The following NRG2 variants were observed in gnomAD, a reference collection of about 807,000 sequenced individuals.
NRG2 encodes the protein pro-neuregulin-2, membrane-bound isoform.
Under a neutral mutation model 73.9 loss-of-function variants are expected in NRG2, and 27 were observed. The ratio of observed to expected loss-of-function variants is 0.37; its 90% CI spans 0.27 to 0.50. The LOEUF (loss-of-function observed/expected upper bound fraction) is 0.50. NRG2 is among the 20% of genes least tolerant of loss of function. The pLI is 0.96. For synonymous variants in NRG2, 532 were observed against 541.0 expected (o/e 0.98, Z 0.23); for missense variants, 1,126 against 1,210.1 (o/e 0.93, Z 1.03).
chr5:139,987,572 C>T (rs977631101), intron 1 of NRG2, among the ~76,000 whole-genome samples: 2 of 152,016 alleles, frequency 1.3e-5, no homozygotes, highest in African/African-American at 2.4e-5. Context: ...CTAGACAGAT[C>T]TACCTATCTT....
At position 140,006,713 on chromosome 5, in the gene NRG2, C is replaced by G. The variant is rs188205699; in HGVS notation, c.700+35657G>C. On this transcript the variant is annotated intron_variant, in intron 1 of 9. Coordinates refer to ENST00000361474, the MANE Select transcript of NRG2 (RefSeq NM_004883.3). ...AAGAGAGACATGCCAGGAAAAGATG[C>G]AAGAAGAAAATACACCTTAAAACTT... 2.7e-3 allele frequency among the ~76,000 whole-genome samples: 411 copies of G among 152,170 alleles called. 2 individuals carry two copies. Among genetic ancestry groups the G allele is most frequent in the Non-Finnish European group, 4.5e-3 (304 of 67,996 alleles).
intron 1 of NRG2, among the ~76,000 whole-genome samples, chr5:139,985,969 G>A (rs570215677): frequency 2.6e-5 from 4 of 152,236 alleles, no homozygotes; most frequent in African/African-American, 9.6e-5. Context: ...TGGCATGTGG[G>A]GCTCCCAGGG....
intron 1 of NRG2, among the ~76,000 whole-genome samples, chr5:140,037,765 G>A (rs559458758): frequency 8.7e-4 from 132 of 152,098 alleles, no homozygotes; most frequent in African/African-American, 2.9e-3. Flanking sequence ...AAAATTAATC[G>A]GGCGCGGTGG....
At chr5:139,925,780 C>G (rs774331051) in intron 1 of NRG2, among the ~76,000 whole-genome samples, 2 of 152,190 alleles carry the variant, frequency 1.3e-5, no homozygotes, top group East Asian at 1.9e-4. Flanking sequence ...GTAGAGGACC[C>G]CTGCAGGGAT....
At chr5:139,895,573 C>A (rs1166440011) in intron 1 of NRG2, among the ~76,000 whole-genome samples, 1 of 152,200 alleles carries the variant, frequency 6.6e-6, no homozygotes, top group Non-Finnish European at 1.5e-5. Flanking sequence ...CAGCTGAAGA[C>A]ACAGCAATCC....
intron 2 of NRG2, among the ~76,000 whole-genome samples, chr5:139,882,759 C>T (rs1381688494): frequency 6.6e-6 from 1 of 152,062 alleles, no homozygotes; most frequent in Non-Finnish European, 1.5e-5. Flanking sequence ...CCTTGTCACC[C>T]CCCTGGAATT....
At chr5:139,886,237 G>T (rs1763863267) in intron 2 of NRG2, among the ~76,000 whole-genome samples, 1 of 152,182 alleles carries the variant, frequency 6.6e-6, no homozygotes, top group Non-Finnish European at 1.5e-5. Context: ...GAGAATCAGA[G>T]AACTGGAAGT....
chr5:139,949,515 C>T (rs892857022), intron 1 of NRG2, among the ~76,000 whole-genome samples: 2 of 152,110 alleles, frequency 1.3e-5, no homozygotes, highest in African/African-American at 4.8e-5. Flanking sequence ...GTCACTAGAA[C>T]ACCCACTACC....
intron 1 of NRG2, among the ~76,000 whole-genome samples, chr5:139,938,084 AAAT>A (rs1354415517): frequency 1.3e-5 from 2 of 152,182 alleles, no homozygotes; most frequent in Non-Finnish European, 2.9e-5. Context: ...GTCTACGAAA[AAAT>A]AATAATAACA....
intron 1 of NRG2, among the ~76,000 whole-genome samples, chr5:139,961,325 C>G (rs888188236): frequency 6.6e-6 from 1 of 152,080 alleles, no homozygotes; most frequent in Non-Finnish European, 1.5e-5. Context: ...ACTGTCCTGT[C>G]TCTCTGAGAA....
intron 1 of NRG2, among the ~76,000 whole-genome samples, chr5:139,990,420 C>G (rs1257493198): frequency 6.6e-6 from 1 of 152,082 alleles, no homozygotes; most frequent in Non-Finnish European, 1.5e-5. Flanking sequence ...ATTCTCCCAC[C>G]TCAGCCTCCC....
intron 1 of NRG2, among the ~76,000 whole-genome samples, chr5:139,911,511 T>C (rs1256943071): frequency 6.6e-6 from 1 of 152,214 alleles, no homozygotes; most frequent in Non-Finnish European, 1.5e-5. Flanking sequence ...CCCATGGTTG[T>C]TGTTTGCAAG....
In NRG2 at chr5:139,847,857, G is replaced by C. The variant is rs952731582; in HGVS notation, c.*60C>G. ...TTTTCCTCCTTTCTCTCCAGTAGGC[G>C]GTCTCTGGTCTCCTTAAAGATAGTG... On this transcript the variant is annotated 3_prime_UTR_variant, in exon 10 of 10. Transcript: ENST00000361474. 11 of 990,882 alleles carry C rather than the reference G, an allele frequency of 1.1e-5. No individual in the cohort carries two copies. The African/African-American group carries it at 1.7e-4, about 15-fold the overall frequency. 61.4% of individuals were successfully genotyped at this position (990,882 alleles called of 1,614,324 possible).
chr5:139,850,366 C>A (rs1260740218), intron 9 of NRG2, among the ~76,000 whole-genome samples: 1 of 152,230 alleles, frequency 6.6e-6, no homozygotes, highest in Non-Finnish European at 1.5e-5. Context: ...GGCTACTTCC[C>A]AGAGCCTACA....
intron 1 of NRG2, among the ~76,000 whole-genome samples, chr5:139,897,103 C>A (rs1764594039): frequency 6.6e-6 from 1 of 152,256 alleles, no homozygotes; most frequent in Admixed American, 6.5e-5. Context: ...CCCTCTGCTC[C>A]TGCTTCCCCT....
chr5:139,938,611 C>T (rs1753027450), intron 1 of NRG2, among the ~76,000 whole-genome samples: 1 of 151,990 alleles, frequency 6.6e-6, no homozygotes, highest in South Asian at 2.1e-4. Context: ...GTGATTCTCT[C>T]ACCTTGGCTG....
chr5:139,989,189 T>C (rs566912014), intron 1 of NRG2, among the ~76,000 whole-genome samples: 1 of 152,126 alleles, frequency 6.6e-6, no homozygotes, highest in East Asian at 1.9e-4. Flanking sequence ...AAGTTCTCCA[T>C]TATCTCCGGA....
At position 139,852,983 on chromosome 5, in the gene NRG2, C is replaced by A. The variant is rs778057381; in HGVS notation, c.1337G>T (p.Cys446Phe). 1 of 1,613,480 alleles carries A rather than the reference C, an allele frequency of 6.2e-7. No homozygotes were observed. The highest frequency in any genetic ancestry group is 8.5e-7 in the Non-Finnish European group (1 of 1,179,782). ...QMHNHLRQNM[C>F]PAHQNRSLAN... Reference sequence around the variant, plus strand: ...CAAGCTCCGGTTCTGATGGGCCGGGCACATGTTCTGCCGGAGGTGGTTGTG... The same window carrying A: ...CAAGCTCCGGTTCTGATGGGCCGGGAACATGTTCTGCCGGAGGTGGTTGTG... The change falls in exon 7 of 10, where the codon TGC (cysteine) becomes TTC (phenylalanine). Residue 446 changes from cysteine to phenylalanine, a missense_variant. By Grantham distance (205) the Cys-to-Phe change is radical. Transcript: ENST00000361474. This position sits in a 1 kb window ranked among gnomAD's most constrained non-coding sequence, Gnocchi z 4.4.
In NRG2 at chr5:139,850,985, CT is replaced by C. The variant is rs796642299; in HGVS notation, c.1772+618del. 5.2e-3 allele frequency among the ~76,000 whole-genome samples: 756 copies of C among 144,456 alleles called. 2 individuals are homozygous for C. The highest frequency in any genetic ancestry group is 0.015 in the African/African-American group (582 of 39,514). 94.8% of individuals were successfully genotyped at this position (144,456 alleles called of 152,430 possible). A position where few individuals can be genotyped will look rare whatever the true frequency, so the allele number is the denominator to read the frequency against. ...TTGTCCAGAACAGCCCCTGTTTGTT[CT>C]TTTTTTTTTTTTCTTTTTGTAAAGG... On this transcript the variant is annotated intron_variant, in intron 9 of 9. Coordinates refer to ENST00000361474, the MANE Select transcript of NRG2 (RefSeq NM_004883.3).
Sources: gnomAD v4.1 joint callset for allele counts (sites outside exome capture counted in the v4.1 genomes callset) on GRCh38, gnomAD v4.1.1 for gene constraint, Gnocchi (gnomAD v3.1) non-coding constraint, MANE v1.5 for transcripts, NCBI Gene and HGNC (gene_info 2026-07-23, HGNC 2026-07-21) for gene names.